The following CDK15 variants were observed in gnomAD, a reference collection of about 807,000 sequenced individuals.
CDK15 encodes the protein cyclin dependent kinase 15.
In CDK15, 62 loss-of-function variants were observed where a neutral mutation model predicts 60.3. That is an observed-to-expected ratio of 1.03 (90% confidence interval 0.84 to 1.27). The LOEUF (loss-of-function observed/expected upper bound fraction) is 1.27. Ranked by LOEUF, CDK15 falls within the 50% of genes most tolerant of loss-of-function variation. CDK15 has a pLI of 0.00. For missense variants in CDK15, 541 were observed against 527.8 expected (o/e 1.03, Z -0.25); for synonymous variants, 194 against 195.7 (o/e 0.99, Z 0.07).
intron 12 of CDK15, among the ~76,000 whole-genome samples, chr2:201,884,191 TTCTC>T (rs141990706): frequency 2.6e-5 from 4 of 151,178 alleles, no homozygotes; most frequent in African/African-American, 4.8e-5. Flanking sequence ...CTGTCTCTCT[TTCTC>T]TCTCTCTCTC....
intron 4 of CDK15, among the ~76,000 whole-genome samples, chr2:201,819,960 C>A (rs1696149622): frequency 6.6e-6 from 1 of 152,108 alleles, no homozygotes; most frequent in African/African-American, 2.4e-5. Context: ...AAGCCTCATT[C>A]CAAGTAGATA....
intron 10 of CDK15, among the ~76,000 whole-genome samples, chr2:201,863,788 C>A (rs2105803317): frequency 6.6e-6 from 1 of 152,226 alleles, no homozygotes; most frequent in Admixed American, 6.5e-5. Flanking sequence ...CCCAGCTACT[C>A]AGGAGACTGA....
intron 10 of CDK15, among the ~76,000 whole-genome samples, chr2:201,856,904 C>T (rs1559137596): frequency 6.6e-6 from 1 of 152,014 alleles, no homozygotes; most frequent in Non-Finnish European, 1.5e-5. Context: ...AAAGTGCTTC[C>T]CTGCCAGATT....
intron 3 of CDK15, among the ~76,000 whole-genome samples, chr2:201,811,437 A>T (rs1258155592): frequency 6.6e-6 from 1 of 152,252 alleles, no homozygotes; most frequent in African/African-American, 2.4e-5. Flanking sequence ...GGCGTGAGCC[A>T]CTGTGCCCGG....
At chr2:201,829,044 A>G (rs1443910675) in intron 6 of CDK15, among the ~76,000 whole-genome samples, 3 of 152,194 alleles carry the variant, frequency 2.0e-5, no homozygotes, top group Non-Finnish European at 2.9e-5. Context: ...GATCAAATAT[A>G]TATTTCACAA....
intron 4 of CDK15, among the ~76,000 whole-genome samples, chr2:201,821,983 A>G (rs1181826417): frequency 2.6e-5 from 4 of 152,154 alleles, no homozygotes; most frequent in Non-Finnish European, 4.4e-5. Flanking sequence ...GCCCGGCCTC[A>G]TGGTCTCTTT....
intron 10 of CDK15, among the ~76,000 whole-genome samples, chr2:201,868,000 T>C (rs1237185652): frequency 1.3e-5 from 2 of 152,218 alleles, no homozygotes; most frequent in African/African-American, 4.8e-5. Context: ...GACTTGAGCT[T>C]GGGCTTGTGT....
chr2:201,847,574 A>T, intron 9 of CDK15, 100 bp downstream of exon 9: 1 of 932,690 alleles, frequency 1.1e-6, no homozygotes, highest in Non-Finnish European at 1.7e-6. Flanking sequence ...CTGCTCTGAG[A>T]TATTAAGCCC....
chr2:201,821,990 C>T (rs977905544), intron 4 of CDK15, among the ~76,000 whole-genome samples: 1 of 152,188 alleles, frequency 6.6e-6, no homozygotes, highest in African/African-American at 2.4e-5. Context: ...CTCATGGTCT[C>T]TTTATTGTAC....
At chr2:201,826,477 A>AAG (rs1696508334) in intron 6 of CDK15, among the ~76,000 whole-genome samples, 1 of 151,630 alleles carries the variant, frequency 6.6e-6, no homozygotes, top group Non-Finnish European at 1.5e-5. Flanking sequence ...AAAAAAAAAA[A>AAG]AAAAGTTTCA....
intron 6 of CDK15, among the ~76,000 whole-genome samples, chr2:201,833,402 A>G (rs1342571112): frequency 6.6e-6 from 1 of 152,090 alleles, no homozygotes; most frequent in African/African-American, 2.4e-5. Flanking sequence ...AAAGGGTTTC[A>G]TATTGGAGAG....
intron 3 of CDK15, among the ~76,000 whole-genome samples, chr2:201,810,757 G>C (rs190106348): frequency 3.2e-4 from 49 of 151,402 alleles, no homozygotes; most frequent in African/African-American, 1.1e-3. Context: ...CTTTAGAGTA[G>C]AGAAACCTGA....
At chr2:201,831,577 G>T (rs1399135104) in intron 6 of CDK15, among the ~76,000 whole-genome samples, 4 of 152,172 alleles carry the variant, frequency 2.6e-5, no homozygotes, top group Non-Finnish European at 5.9e-5. Context: ...TGAGAAATGT[G>T]GTTATAAAAT....
chr2:201,873,223 G>A (rs1698926960), intron 11 of CDK15, among the ~76,000 whole-genome samples: 1 of 152,166 alleles, frequency 6.6e-6, no homozygotes, highest in Admixed American at 6.5e-5. Context: ...GAGTAAAATA[G>A]GTTAGGAACA....
intron 4 of CDK15, among the ~76,000 whole-genome samples, chr2:201,816,609 T>A (rs1696010111): frequency 6.6e-6 from 1 of 152,078 alleles, no homozygotes; most frequent in Admixed American, 6.6e-5. Context: ...AAAGTCTAGG[T>A]GTCTTTTTGA....
chr2:201,838,212 T>A (rs1697211161), intron 8 of CDK15, among the ~76,000 whole-genome samples: 1 of 151,916 alleles, frequency 6.6e-6, no homozygotes, highest in Non-Finnish European at 1.5e-5. Context: ...GCAGGGGACA[T>A]TTGGCAATGT....
intron 9 of CDK15, chr2:201,854,665 T>C: frequency 5.4e-6 from 3 of 560,636 alleles, no homozygotes; most frequent in Non-Finnish European, 6.4e-6. Context: ...CCCCGGACCA[T>C]AGGAATGTAT....
chr2:201,848,752 G>T (rs1001672468), intron 9 of CDK15, among the ~76,000 whole-genome samples: 1 of 152,076 alleles, frequency 6.6e-6, no homozygotes, highest in Admixed American at 6.6e-5. Context: ...GTGCAGGGGG[G>T]TACTTTATTA....
Position 201,807,532 on chromosome 2 carries a change from A to T in CDK15, c.162A>T (p.Ser54=). 1.2e-6 allele frequency: 2 copies of T among 1,614,142 alleles called. No individual in the cohort carries two copies. Among genetic ancestry groups the T allele is most frequent in the Non-Finnish European group, 1.7e-6 (2 of 1,180,032 alleles). Residue 54 remains serine, a synonymous_variant, in exon 2 of 14, where the codon TCA becomes TCT. Transcript: ENST00000652192. The stretch of plus-strand genomic sequence containing the variant: ...AAGAAGCATCATGTTCCATGACTTC[A>T]TTTCACCCCAGGGGACTTCAAGCTG... ...DLKEASCSMT[S]FHPRGLQAAR...
Sources: allele counts gnomAD v4.1 joint callset (sites outside exome capture counted in the v4.1 genomes callset), GRCh38; gene constraint gnomAD v4.1.1; transcripts MANE v1.5; gene names NCBI Gene and HGNC (gene_info 2026-07-23, HGNC 2026-07-21).